PHACTR1: variants seen among roughly 807,000 people sequenced by gnomAD.
PHACTR1 encodes RPEL repeat containing 1.
A neutral mutation model predicts 69.2 loss-of-function variants in PHACTR1; 16 were observed. The ratio of observed to expected loss-of-function variants is 0.23; its 90% CI spans 0.16 to 0.35. The LOEUF (loss-of-function observed/expected upper bound fraction) is 0.35. Ranked by LOEUF, PHACTR1 falls within the 10% of genes least tolerant of loss-of-function variation. The pLI is 1.00. For synonymous variants in PHACTR1, 312 were observed against 284.5 expected, an observed-to-expected ratio of 1.10 and a Z score of -0.97; for missense variants, 510 against 734.7, an observed-to-expected ratio of 0.69 and a Z score of 3.54.
intron 4 of PHACTR1, among the ~76,000 whole-genome samples, chr6:13,007,995 CAAATAAA>C (rs1799012650): frequency 6.6e-6 from 1 of 151,974 alleles, no homozygotes; most frequent in Admixed American, 6.6e-5. Flanking sequence ...CTAAAATAAA[CAAATAAA>C]AAATAAAAAA....
intron 5 of PHACTR1, among the ~76,000 whole-genome samples, chr6:13,088,181 T>G (rs1465235552): frequency 6.6e-6 from 1 of 152,132 alleles, no homozygotes; most frequent in Non-Finnish European, 1.5e-5. Context: ...CTTAGCAAGT[T>G]TGCTGTGAAT....
intron 4 of PHACTR1, among the ~76,000 whole-genome samples, chr6:12,890,273 CT>C (rs1380111170): frequency 6.6e-6 from 1 of 152,130 alleles, no homozygotes; most frequent in Non-Finnish European, 1.5e-5. Context: ...GAAAAATTGT[CT>C]TCCAGGAAAC....
intron 4 of PHACTR1, among the ~76,000 whole-genome samples, chr6:13,018,053 A>C (rs957324749): frequency 1.3e-5 from 2 of 152,216 alleles, no homozygotes; most frequent in Non-Finnish European, 2.9e-5. Context: ...AGGGATTAGA[A>C]ACATTTAGCA....
chr6:13,202,665 C>T (rs528737502), intron 7 of PHACTR1, among the ~76,000 whole-genome samples: 7 of 152,154 alleles, frequency 4.6e-5, no homozygotes, highest in African/African-American at 9.6e-5. Context: ...TTAGTAGAGA[C>T]GGGGTTTCAC....
chr6:13,052,835 G>A (rs956135279), intron 4 of PHACTR1, among the ~76,000 whole-genome samples: 6 of 152,208 alleles, frequency 3.9e-5, no homozygotes, highest in African/African-American at 1.4e-4. Context: ...ACAGTCACTT[G>A]CTTAACAGAT....
intron 4 of PHACTR1, among the ~76,000 whole-genome samples, chr6:13,045,827 C>T (rs931051196): frequency 5.9e-5 from 9 of 152,238 alleles, no homozygotes; most frequent in African/African-American, 1.9e-4. Flanking sequence ...AGGAACTTGC[C>T]TCCGGCAGTG....
At position 12,954,742 on chromosome 6, in the gene PHACTR1, G is replaced by A. The variant is rs145399068; in HGVS notation, c.251-98623G>A. On this transcript the variant is annotated intron_variant, in intron 4 of 14. Coordinates refer to ENST00000332995, the MANE Select transcript of PHACTR1 (RefSeq NM_030948.6). ...TATTTCAATTCCAGGCTTATTTGAT[G>A]TTTTATTGTTCCACCCAAGAGATTA... 3.0e-4 allele frequency among the ~76,000 whole-genome samples: 45 copies of A among 152,326 alleles called. No homozygotes were observed. In the East Asian group the frequency reaches 8.3e-3, roughly 28 times the overall value.
At chr6:12,972,122 A>G (rs1365924699) in intron 4 of PHACTR1, among the ~76,000 whole-genome samples, 1 of 152,166 alleles carries the variant, frequency 6.6e-6, no homozygotes, top group Non-Finnish European at 1.5e-5. Flanking sequence ...TTGTGATTCT[A>G]TTGGATGTGA....
At chr6:12,751,136 T>C (rs1172134564) in intron 4 of PHACTR1, among the ~76,000 whole-genome samples, 1 of 152,230 alleles carries the variant, frequency 6.6e-6, no homozygotes, top group African/African-American at 2.4e-5. Flanking sequence ...ACCATACCCT[T>C]ATGGCTGGAA....
At chr6:12,832,883 T>C (rs1313222916) in intron 4 of PHACTR1, among the ~76,000 whole-genome samples, 1 of 152,186 alleles carries the variant, frequency 6.6e-6, no homozygotes, top group African/African-American at 2.4e-5. Flanking sequence ...AGCCAAAACA[T>C]TTGACTTCTT....
chr6:13,228,956 C>A (rs974480643), intron 9 of PHACTR1, among the ~76,000 whole-genome samples: 6 of 152,192 alleles, frequency 3.9e-5, no homozygotes, highest in African/African-American at 1.4e-4. Flanking sequence ...TGCCTGCTGG[C>A]GTTTTCTCTC....
chr6:13,068,828 A>G (rs1809059080), intron 5 of PHACTR1, among the ~76,000 whole-genome samples: 1 of 152,188 alleles, frequency 6.6e-6, no homozygotes, highest in African/African-American at 2.4e-5. Context: ...GAAGGTGAGC[A>G]CAGTATCCTT....
At chr6:12,841,091 G>A (rs930431520) in intron 4 of PHACTR1, among the ~76,000 whole-genome samples, 10 of 152,260 alleles carry the variant, frequency 6.6e-5, no homozygotes, top group African/African-American at 2.4e-4. Context: ...TTTTTTTACT[G>A]TCTGTTGCAT....
intron 4 of PHACTR1, among the ~76,000 whole-genome samples, chr6:12,758,882 G>C (rs1266920889): frequency 6.6e-6 from 1 of 152,084 alleles, no homozygotes. Flanking sequence ...TTGCGTTTTG[G>C]GAGGCTGAGG....
intron 4 of PHACTR1, among the ~76,000 whole-genome samples, chr6:12,907,967 A>G (rs1220558233): frequency 6.6e-6 from 1 of 152,256 alleles, no homozygotes; most frequent in African/African-American, 2.4e-5. Flanking sequence ...CAATATAAAA[A>G]GACAACCTGT....
chr6:12,777,387 G>T (rs530315671), intron 4 of PHACTR1, among the ~76,000 whole-genome samples: 2 of 151,898 alleles, frequency 1.3e-5, no homozygotes, highest in South Asian at 4.1e-4. Context: ...TCAATCCTCA[G>T]CCTCCTCTCA....
At chr6:13,239,155 C>A (rs189731519) in intron 10 of PHACTR1, among the ~76,000 whole-genome samples, 3 of 152,144 alleles carry the variant, frequency 2.0e-5, no homozygotes, top group Non-Finnish European at 4.4e-5. Context: ...GGGGGTGGCT[C>A]AGGCCAGGGA....
At chr6:12,761,070 G>A (rs2127610945) in intron 4 of PHACTR1, among the ~76,000 whole-genome samples, 1 of 152,290 alleles carries the variant, frequency 6.6e-6, no homozygotes, top group Middle Eastern at 3.4e-3. Context: ...TCTGCTGCTT[G>A]TGAGCTGAAT....
rs544834314 is a variant in PHACTR1 at position 12,747,639 on chromosome 6, T to C, written c.104-2005T>C. Among the ~76,000 whole-genome samples, 71 of 152,172 alleles carry C rather than the reference T, an allele frequency of 4.7e-4. No individual in the cohort carries two copies. In the South Asian group the frequency reaches 0.014, roughly 31 times the overall value. On this transcript the variant is annotated intron_variant, in intron 3 of 14. Transcript: ENST00000332995. ...TTAAGGTCATGCCATTGCACTCCAG[T>C]CTCAAAACAAACAAAACTTGCTGAA...
Sources: allele counts gnomAD v4.1 joint callset (sites outside exome capture counted in the v4.1 genomes callset), GRCh38; gene constraint gnomAD v4.1.1; transcripts MANE v1.5; gene names NCBI Gene and HGNC (gene_info 2026-07-23, HGNC 2026-07-21).